The following TUSC3 variants were observed in gnomAD, a reference collection of about 807,000 sequenced individuals.
The protein encoded by TUSC3 is dolichyl-diphosphooligosaccharide--protein glycosyltransferase subunit TUSC3.
In TUSC3, 45 loss-of-function variants were observed where a neutral mutation model predicts 44.8. The observed-to-expected ratio is 1.00, with a 90% confidence interval of 0.79 to 1.29. The LOEUF is 1.29. TUSC3 is among the 50% of genes most tolerant of loss of function. The pLI is 0.00. For missense variants in TUSC3, 519 were observed against 437.9 expected (o/e 1.19, Z -1.65); for synonymous variants, 212 against 152.9 (o/e 1.39, Z -2.85).
At chr8:15,521,867 A>G (rs763516310) in intron 2 of TUSC3, among the ~76,000 whole-genome samples, 1 of 152,216 alleles carries the variant, frequency 6.6e-6, no homozygotes, top group African/African-American at 2.4e-5. Flanking sequence ...AAGGTTGTAC[A>G]TGGTTGAGTG....
At position 15,657,710 on chromosome 8, in the gene TUSC3, A is replaced by G. The variant is rs146599175; in HGVS notation, c.427-1797A>G. Among the ~76,000 whole-genome samples the G allele has an allele frequency of 7.8e-3, 1,181 of 152,070 alleles. 6 individuals are homozygous for G. Among genetic ancestry groups the G allele is most frequent in the Non-Finnish European group, 0.013 (894 of 68,004 alleles). On this transcript the variant is annotated intron_variant, in intron 3 of 10. Transcript: ENST00000503731. The stretch of plus-strand genomic sequence containing the variant: ...TTCCAGATTCTTTCAGTCTCTACCC[A>G]TTATCTGGTTCCAAAACCATTTCAC...
chr8:15,502,651 T>G (rs185294296), intron 2 of TUSC3, among the ~76,000 whole-genome samples: 1 of 152,078 alleles, frequency 6.6e-6, no homozygotes, highest in African/African-American at 2.4e-5. Context: ...CCACCACACC[T>G]GGCTACTTTT....
intron 2 of TUSC3, among the ~76,000 whole-genome samples, chr8:15,520,559 C>T (rs1801283712): frequency 6.6e-6 from 1 of 152,160 alleles, no homozygotes; most frequent in Non-Finnish European, 1.5e-5. Context: ...ACATTCCTGC[C>T]TCTGTGTTGT....
chr8:15,466,842 C>T (rs1265792705), intron 1 of TUSC3, among the ~76,000 whole-genome samples: 1 of 152,064 alleles, frequency 6.6e-6, no homozygotes, highest in Non-Finnish European at 1.5e-5. Flanking sequence ...GTATGATTGT[C>T]AGTTGTTCCA....
At chr8:15,808,741 G>A in the TUSC3 span, among the ~76,000 whole-genome samples, 4 of 152,232 alleles carry the variant, frequency 2.6e-5, no homozygotes, top group East Asian at 7.7e-4. Flanking sequence ...CTGTCAGTCA[G>A]TGTTAGCTTT....
intron 6 of TUSC3, among the ~76,000 whole-genome samples, chr8:15,690,659 C>G (rs1288043815): frequency 6.6e-6 from 1 of 152,080 alleles, no homozygotes; most frequent in Admixed American, 6.6e-5. Context: ...TTTCATCCAT[C>G]TTGAGTTGAT....
chr8:15,848,181 T>C, the TUSC3 span, among the ~76,000 whole-genome samples: 1 of 152,102 alleles, frequency 6.6e-6, no homozygotes. Flanking sequence ...GCATGCAACT[T>C]ACCTGGCACC....
intron 6 of TUSC3, among the ~76,000 whole-genome samples, chr8:15,680,261 C>T (rs554648933): frequency 6.6e-6 from 1 of 152,072 alleles, no homozygotes; most frequent in South Asian, 2.1e-4. Flanking sequence ...TGATTTATTT[C>T]AGCAGTGTTT....
At chr8:15,682,649 G>T (rs139677028) in intron 6 of TUSC3, among the ~76,000 whole-genome samples, 1 of 152,186 alleles carries the variant, frequency 6.6e-6, no homozygotes, top group Non-Finnish European at 1.5e-5. Context: ...TACATTCAAC[G>T]TTAATATTGA....
At chr8:15,489,434 C>T (rs1192137963) in intron 2 of TUSC3, among the ~76,000 whole-genome samples, 4 of 152,158 alleles carry the variant, frequency 2.6e-5, no homozygotes, top group Admixed American at 6.5e-5. Context: ...CTATTCAGAC[C>T]TTTAGAAGTT....
chr8:15,587,175 T>A (rs1803637656), intron 1 of TUSC3, among the ~76,000 whole-genome samples: 1 of 152,194 alleles, frequency 6.6e-6, no homozygotes, highest in Non-Finnish European at 1.5e-5. Context: ...TACTTATAAC[T>A]TGGATTTCTT....
chr8:15,732,274 G>A (rs1810753631), intron 7 of TUSC3, among the ~76,000 whole-genome samples: 1 of 152,096 alleles, frequency 6.6e-6, no homozygotes, highest in Non-Finnish European at 1.5e-5. Flanking sequence ...GGATCCAGTG[G>A]GAGGTAATTG....
intron 6 of TUSC3, among the ~76,000 whole-genome samples, chr8:15,711,498 T>G (rs1031581817): frequency 7.6e-6 from 1 of 130,848 alleles, no homozygotes; most frequent in Non-Finnish European, 1.7e-5. Flanking sequence ...GTGTGTGTAT[T>G]TAATATGTGT....
the TUSC3 span, among the ~76,000 whole-genome samples, chr8:15,815,783 A>G: frequency 6.6e-6 from 1 of 152,188 alleles, no homozygotes; most frequent in Non-Finnish European, 1.5e-5. Flanking sequence ...CCCTTATTAG[A>G]GAACTTGCAG....
At chr8:15,756,712 A>G (rs1181903992) in intron 9 of TUSC3, among the ~76,000 whole-genome samples, 1 of 152,210 alleles carries the variant, frequency 6.6e-6, no homozygotes, top group Non-Finnish European at 1.5e-5. Context: ...ATACAAATAC[A>G]GTGAGGCTTA....
intron 1 of TUSC3, among the ~76,000 whole-genome samples, chr8:15,425,614 G>C (rs192941627): frequency 1.3e-5 from 2 of 152,198 alleles, no homozygotes; most frequent in South Asian, 4.1e-4. Flanking sequence ...AAGTGTGGCC[G>C]AGTCTGAGCC....
intron 1 of TUSC3, among the ~76,000 whole-genome samples, chr8:15,599,701 G>GTTT (rs143634299): frequency 1.5e-5 from 2 of 134,036 alleles, no homozygotes; most frequent in East Asian, 2.2e-4. Context: ...ATTGCTTGTG[G>GTTT]TTTTTTTTTT....
chr8:15,595,432 G>A (rs1250105339), intron 1 of TUSC3, among the ~76,000 whole-genome samples: 1 of 152,062 alleles, frequency 6.6e-6, no homozygotes, highest in Admixed American at 6.6e-5. Flanking sequence ...CTCCCTCTCT[G>A]TGCTGTAGGC....
intron 6 of TUSC3, among the ~76,000 whole-genome samples, chr8:15,726,468 T>C (rs1458605696): frequency 6.6e-6 from 1 of 152,192 alleles, no homozygotes; most frequent in Non-Finnish European, 1.5e-5. Flanking sequence ...AACCTTTTTT[T>C]ATTGAATCAC....
Sources: gnomAD v4.1 joint callset for allele counts (sites outside exome capture counted in the v4.1 genomes callset) on GRCh38, gnomAD v4.1.1 for gene constraint, MANE v1.5 for transcripts, NCBI Gene and HGNC (gene_info 2026-07-23, HGNC 2026-07-21) for gene names.